Variants in PLEKHA5 observed in about 807,000 individuals in gnomAD.
PLEKHA5 encodes the protein pleckstrin homology domain containing A5, also known as pleckstrin homology domain-containing family A member 5.
Under a neutral mutation model 181.9 loss-of-function variants are expected in PLEKHA5, and 55 were observed. The observed-to-expected ratio is 0.30, with a 90% CI of 0.24 to 0.38. PLEKHA5 has a LOEUF of 0.38. Among genes scored for constraint, PLEKHA5 ranks in the 10% least tolerant of loss-of-function variants. The pLI is 1.00. For missense variants in PLEKHA5, 1,432 were observed against 1,549.5 expected (o/e 0.92, Z 1.27); for synonymous variants, 535 against 529.4 (o/e 1.01, Z -0.15).
intron 3 of PLEKHA5, among the ~76,000 whole-genome samples, chr12:19,237,920 A>G (rs543941947): frequency 6.6e-6 from 1 of 151,780 alleles, no homozygotes; most frequent in South Asian, 2.1e-4. Flanking sequence ...CTTTTTCCCT[A>G]TTTCATAGGG....
At chr12:19,285,675 TCATTG>T in intron 12 of PLEKHA5, among the ~76,000 whole-genome samples, 1 of 152,344 alleles carries the variant, frequency 6.6e-6, no homozygotes, top group East Asian at 1.9e-4. Flanking sequence ...ATGCTAGTGG[TCATTG>T]TAGCCCTCCC....
At chr12:19,252,576 C>A (rs1030720042) in intron 3 of PLEKHA5, among the ~76,000 whole-genome samples, 2 of 151,982 alleles carry the variant, frequency 1.3e-5, no homozygotes, top group Non-Finnish European at 2.9e-5. Context: ...AGAAAGAATA[C>A]TATTTCTTAG....
intron 28 of PLEKHA5, among the ~76,000 whole-genome samples, chr12:19,361,279 T>C (rs2095231828): frequency 6.6e-6 from 1 of 152,104 alleles, no homozygotes; most frequent in African/African-American, 2.4e-5. Context: ...ACCTGCCAGG[T>C]TCACGCCATT....
rs953694677 is a variant in PLEKHA5, at chr12:19,136,992, A to C, written c.227+4542A>C. On this transcript the variant is annotated intron_variant, in intron 3 of 31. Transcript: ENST00000429027. ...GGGAATCTAACAAGTGCCATAAAAA[A>C]CATTAGAATATATTAACTATGTATT... 3.9e-5 allele frequency among the ~76,000 whole-genome samples: 6 copies of C among 152,204 alleles called. 1 individual carries two copies. In the South Asian group the frequency reaches 1.0e-3, roughly 26 times the overall value.
intron 3 of PLEKHA5, among the ~76,000 whole-genome samples, chr12:19,134,328 T>C (rs1354371315): frequency 6.6e-6 from 1 of 152,130 alleles, no homozygotes; most frequent in African/African-American, 2.4e-5. Flanking sequence ...ATAATAATTT[T>C]ACTTTAAAGA....
chr12:19,312,816 G>T (rs547144832), intron 15 of PLEKHA5, among the ~76,000 whole-genome samples: 1 of 152,244 alleles, frequency 6.6e-6, no homozygotes, highest in East Asian at 1.9e-4. Context: ...TTCTCAACTT[G>T]GGTAAATGTT....
chr12:19,241,603 A>G (rs1270287163), intron 3 of PLEKHA5, among the ~76,000 whole-genome samples: 5 of 152,090 alleles, frequency 3.3e-5, no homozygotes, highest in Non-Finnish European at 5.9e-5. Flanking sequence ...CTAAAAATAC[A>G]CAGATTAGCT....
intron 20 of PLEKHA5, among the ~76,000 whole-genome samples, chr12:19,333,251 C>T (rs2093029328): frequency 6.6e-6 from 1 of 152,004 alleles, no homozygotes; most frequent in East Asian, 1.9e-4. Flanking sequence ...CACCGTTACA[C>T]TCCAGCCTGG....
At chr12:19,314,349 A>G (rs1176450957) in intron 15 of PLEKHA5, among the ~76,000 whole-genome samples, 2 of 152,194 alleles carry the variant, frequency 1.3e-5, no homozygotes, top group Non-Finnish European at 2.9e-5. Flanking sequence ...TGACACATTC[A>G]GTATATTATA....
rs371589685 is a variant in PLEKHA5 at position 19,320,525 on chromosome 12, A to C, written c.2155-37A>C. 6.1e-4 allele frequency: 592 copies of C among 972,638 alleles called. 5 individuals carry two copies. Among genetic ancestry groups the C allele is most frequent in the Non-Finnish European group, 1.1e-4 (66 of 615,978 alleles). 60.3% of individuals were successfully genotyped at this position (972,638 alleles called of 1,614,324 possible). A position where few individuals can be genotyped will look rare whatever the true frequency, so the allele number is the denominator to read the frequency against. Reference sequence around the variant, plus strand: ...AATAGGGTAAATATATTTTTAAATAAGATTTTTTAAGTTGCTATATGATTT... The same window carrying C: ...AATAGGGTAAATATATTTTTAAATACGATTTTTTAAGTTGCTATATGATTT... On this transcript the variant is annotated intron_variant, in intron 17 of 31. Transcript: ENST00000429027.
chr12:19,297,499 G>A (rs959932925), intron 15 of PLEKHA5, among the ~76,000 whole-genome samples: 8 of 150,990 alleles, frequency 5.3e-5, no homozygotes, highest in African/African-American at 1.9e-4. Flanking sequence ...GCGGGCGCCT[G>A]TAGTCCCAGC....
chr12:19,166,936 T>C (rs969671546), intron 3 of PLEKHA5, among the ~76,000 whole-genome samples: 1 of 152,236 alleles, frequency 6.6e-6, no homozygotes, highest in Non-Finnish European at 1.5e-5. Context: ...CAAAGTATTA[T>C]CTTTTTGCTA....
intron 3 of PLEKHA5, among the ~76,000 whole-genome samples, chr12:19,145,328 A>C (rs1299714172): frequency 1.3e-5 from 2 of 152,120 alleles, no homozygotes; most frequent in Non-Finnish European, 2.9e-5. Context: ...CTGCCTTCCA[A>C]GAGGACTTGT....
chr12:19,179,595 G>T (rs1025986053), intron 3 of PLEKHA5, among the ~76,000 whole-genome samples: 1 of 152,214 alleles, frequency 6.6e-6, no homozygotes, highest in African/African-American at 2.4e-5. Context: ...GGGAGGCAGA[G>T]GCTGCGGTGA....
intron 15 of PLEKHA5, among the ~76,000 whole-genome samples, chr12:19,309,971 GATAATAAAACCCTTTA>G (rs2085834962): frequency 6.6e-6 from 1 of 152,086 alleles, no homozygotes; most frequent in Non-Finnish European, 1.5e-5. Flanking sequence ...ACAAGACTTT[GATAATAAAACCCTTTA>G]ACTTAAAAAG....
At chr12:19,240,898 C>G (rs1406064975) in intron 3 of PLEKHA5, among the ~76,000 whole-genome samples, 2 of 152,144 alleles carry the variant, frequency 1.3e-5, no homozygotes, top group African/African-American at 2.4e-5. Context: ...ACAAGTGACT[C>G]TGCAACTTTT....
At chr12:19,132,558 CA>C (rs1361079479) in intron 3 of PLEKHA5, 108 bp downstream of exon 3, 1 of 665,856 alleles carries the variant, frequency 1.5e-6, no homozygotes, top group Admixed American at 3.1e-5. Context: ...TGAAGTTTAT[CA>C]TATAATGGTG....
chr12:19,216,021 AAACATAGAAGTCAAT>A (rs1178773587), intron 3 of PLEKHA5, among the ~76,000 whole-genome samples: 2 of 152,236 alleles, frequency 1.3e-5, no homozygotes, highest in African/African-American at 4.8e-5. Flanking sequence ...CCGACTTGCT[AAACATAGAAGTCAAT>A]AACATTGCTG....
At chr12:19,241,630 C>T (rs2062625341) in intron 3 of PLEKHA5, among the ~76,000 whole-genome samples, 1 of 151,888 alleles carries the variant, frequency 6.6e-6, no homozygotes, top group African/African-American at 2.4e-5. Flanking sequence ...GGTTGTGGTG[C>T]CTGTAATCCC....
Sources: gnomAD v4.1 joint callset for allele counts (sites outside exome capture counted in the v4.1 genomes callset) on GRCh38, gnomAD v4.1.1 for gene constraint, MANE v1.5 for transcripts, NCBI Gene and HGNC (gene_info 2026-07-23, HGNC 2026-07-21) for gene names.